The following CYP2J2 variants were observed in gnomAD, a reference collection of about 807,000 sequenced individuals.
The protein encoded by CYP2J2 is cytochrome P450 2J2.
A neutral mutation model predicts 48.8 loss-of-function variants in CYP2J2; 41 were observed. The observed-to-expected ratio is 0.84, with a 90% CI of 0.66 to 1.09. The LOEUF is 1.09. Among genes scored for constraint, CYP2J2 ranks in the 50% least tolerant of loss-of-function variants. CYP2J2 has a pLI of 0.00. For synonymous variants in CYP2J2, 221 were observed against 227.1 expected, an observed-to-expected ratio of 0.97 and a Z score of 0.24; for missense variants, 644 against 617.3, an observed-to-expected ratio of 1.04 and a Z score of -0.46.
chr1:59,894,078 T>C (rs1199569779), intron 8 of CYP2J2, among the ~76,000 whole-genome samples: 1 of 152,032 alleles, frequency 6.6e-6, no homozygotes, highest in African/African-American at 2.4e-5. Flanking sequence ...CAGAATGAAG[T>C]TGCAGGGTGT....
chr1:59,950,927 G>T, the CYP2J2 span, among the ~76,000 whole-genome samples: 1 of 152,022 alleles, frequency 6.6e-6, no homozygotes, highest in East Asian at 1.9e-4. Context: ...AGCAGAAGCT[G>T]CCAGGCTTCT....
upstream of CYP2J2, among the ~76,000 whole-genome samples, chr1:59,928,675 T>C (rs544331336): frequency 2.0e-5 from 3 of 152,270 alleles, no homozygotes; most frequent in South Asian, 4.1e-4. Flanking sequence ...AAGGCAGAAA[T>C]AATACCTACC....
the CYP2J2 span, among the ~76,000 whole-genome samples, chr1:59,948,890 G>C: frequency 2.3e-4 from 35 of 152,244 alleles, no homozygotes; most frequent in African/African-American, 8.2e-4. Flanking sequence ...TCCAAGCTGG[G>C]TGAAGTGACT....
At chr1:59,929,639 T>C (rs938492450), upstream of CYP2J2, among the ~76,000 whole-genome samples, 24 of 152,214 alleles carry the variant, frequency 1.6e-4, no homozygotes, top group Admixed American at 1.4e-3. Flanking sequence ...AAAATCACTA[T>C]AGGGGATCAA....
chr1:59,954,076 GAGTC>G, the CYP2J2 span, among the ~76,000 whole-genome samples: 1 of 152,138 alleles, frequency 6.6e-6, no homozygotes, highest in African/African-American at 2.4e-5. Flanking sequence ...TAAAATCTTT[GAGTC>G]AGTGTCTTAT....
Position 59,906,120 on chromosome 1 carries a change from A to T in CYP2J2, c.1004-1062T>A, listed in dbSNP as rs562011650. On this transcript the variant is annotated intron_variant, in intron 6 of 8. Transcript: ENST00000371204. ...AGAATGGCATGAACCCAGGAGGCAG[A>T]GCTTGCAGTGAGCCGAGATGGTGCC... Among the ~76,000 whole-genome samples the T allele has an allele frequency of 4.0e-3, 603 of 152,330 alleles. 3 individuals carry two copies. The highest frequency in any genetic ancestry group is 0.014 in the African/African-American group (575 of 41,576).
chr1:59,940,967 C>T, the CYP2J2 span, among the ~76,000 whole-genome samples: 1 of 152,078 alleles, frequency 6.6e-6, no homozygotes, highest in Non-Finnish European at 1.5e-5. Context: ...TGATAGTTAC[C>T]AGAGTCTTGG....
chr1:59,965,806 C>T, the CYP2J2 span, among the ~76,000 whole-genome samples: 5 of 152,202 alleles, frequency 3.3e-5, no homozygotes, highest in South Asian at 2.1e-4. Flanking sequence ...CACCCCCCAC[C>T]GTGCCCAGCT....
Position 59,901,066 on chromosome 1 carries a change from C to A in CYP2J2, c.1229G>T (p.Arg410Met). 6.2e-7 allele frequency: 1 copy of A among 1,614,072 alleles called. No individual in the cohort carries two copies. The highest frequency in any genetic ancestry group is 8.5e-7 in the Non-Finnish European group (1 of 1,179,938). The change falls in exon 8 of 9, where the codon AGG becomes ATG. Residue 410 changes from arginine (R) to methionine (M), a missense_variant. Transcript: ENST00000371204. ...AGGGGTGGCCCACTCTGTGGGGTCCCTGTGCAGCGCCGTCAAATTGGTCAG... is the reference window on the plus strand; with the variant it reads ...AGGGGTGGCCCACTCTGTGGGGTCCATGTGCAGCGCCGTCAAATTGGTCAG... ...MILTNLTALHRDPTEWATPDT... is the reference protein window; with the variant it reads ...MILTNLTALHMDPTEWATPDT...
chr1:59,904,974 T>C lies in CYP2J2; in HGVS notation c.1088A>G (p.Asn363Ser), dbSNP rs1644353244. ...TAARESMPYT[N>S]AVIHEVQRMG... is the part of the protein sequence containing the mutation. The stretch of plus-strand genomic sequence containing the variant: ...TCTCTGCACCTCATGGATGACAGCA[T>C]TGGTGTAGGGCATGGACTCCCGGGC... Residue 363 changes from asparagine (N) to serine (S), a missense_variant, in exon 7 of 9, where the codon AAT becomes AGT. Coordinates refer to ENST00000371204, the MANE Select transcript of CYP2J2 (RefSeq NM_000775.4). 10 of 1,613,866 alleles carry C rather than the reference T, an allele frequency of 6.2e-6. 1 individual carries two copies. In the South Asian group the frequency reaches 8.8e-5, roughly 14 times the overall value.
the CYP2J2 span, among the ~76,000 whole-genome samples, chr1:59,938,486 C>A: frequency 2.0e-5 from 3 of 152,336 alleles, no homozygotes; most frequent in African/African-American, 7.2e-5. Flanking sequence ...GCACGTAGGC[C>A]AGATTTATGC....
the CYP2J2 span, among the ~76,000 whole-genome samples, chr1:59,940,139 A>G: frequency 1.3e-5 from 2 of 152,170 alleles, no homozygotes; most frequent in African/African-American, 4.8e-5. Flanking sequence ...TCTCAAGAAG[A>G]AGGAGTTTCT....
chr1:59,901,088 T>G lies in CYP2J2; in HGVS notation c.1207A>C (p.Thr403Pro), dbSNP rs750016660. ...TCCCTGTGCAGCGCCGTCAAATTGGTCAGGATCATGGTACCCTAGAGAAAG... is the reference window on the plus strand; with the variant it reads ...TCCCTGTGCAGCGCCGTCAAATTGGGCAGGATCATGGTACCCTAGAGAAAG... ...YHLPKGTMIL[T>P]NLTALHRDPT... Residue 403 changes from threonine (T) to proline (P), a missense_variant, in exon 8 of 9, where the codon ACC becomes CCC. Thr to Pro is a conservative substitution (Grantham distance 38). Coordinates refer to ENST00000371204, the MANE Select transcript of CYP2J2 (RefSeq NM_000775.4). 6.2e-7 allele frequency: 1 copy of G among 1,613,894 alleles called. No individual in the cohort carries two copies. The highest frequency in any genetic ancestry group is 1.1e-5 in the South Asian group (1 of 91,064).
chr1:59,925,967 G>C (rs957774600), intron 1 of CYP2J2, among the ~76,000 whole-genome samples: 1 of 152,174 alleles, frequency 6.6e-6, no homozygotes, highest in African/African-American at 2.4e-5. Flanking sequence ...TTATTGTATA[G>C]AGACGGAAAG....
At chr1:59,937,160 C>G in the CYP2J2 span, among the ~76,000 whole-genome samples, 2 of 152,222 alleles carry the variant, frequency 1.3e-5, no homozygotes, top group Non-Finnish European at 2.9e-5. Context: ...TCTCCATTTC[C>G]TATGATGGAG....
chr1:59,905,578 A>G (rs1186515767), intron 6 of CYP2J2, among the ~76,000 whole-genome samples: 2 of 152,210 alleles, frequency 1.3e-5, no homozygotes, highest in Non-Finnish European at 2.9e-5. Flanking sequence ...TCTCAGGTAG[A>G]TATGTAAGAG....
chr1:59,907,405 A>G (rs187579056), intron 6 of CYP2J2, among the ~76,000 whole-genome samples: 1 of 152,318 alleles, frequency 6.6e-6, no homozygotes, highest in East Asian at 1.9e-4. Context: ...AGGTTAACAT[A>G]TACCAGACTA....
upstream of CYP2J2, among the ~76,000 whole-genome samples, chr1:59,931,254 T>C (rs1392885754): frequency 6.6e-6 from 1 of 152,154 alleles, no homozygotes; most frequent in African/African-American, 2.4e-5. Context: ...TGAAATTTTA[T>C]ATTTAAGCTG....
At chr1:59,901,230 G>A (rs1644317370) in intron 7 of CYP2J2, 127 bp from the exon 8 acceptor site, 1 of 901,400 alleles carries the variant, frequency 1.1e-6, no homozygotes, top group Admixed American at 2.3e-5. Flanking sequence ...CCCCAATTGT[G>A]GTACACAGTC....
Sources: gnomAD v4.1 joint callset for allele counts (sites outside exome capture counted in the v4.1 genomes callset) on GRCh38, gnomAD v4.1.1 for gene constraint, MANE v1.5 for transcripts, NCBI Gene and HGNC (gene_info 2026-07-23, HGNC 2026-07-21) for gene names.